PCLO: variants seen among roughly 807,000 people sequenced by gnomAD.
PCLO encodes protein piccolo.
PCLO carries 82 observed loss-of-function variants against 427.5 expected under a neutral mutation model. The ratio of observed to expected loss-of-function variants is 0.19; its 90% CI spans 0.16 to 0.23. PCLO has a LOEUF of 0.23. PCLO is among the 10% of genes least tolerant of loss of function. The pLI is 1.00. For synonymous variants in PCLO, 2,357 were observed against 2,155.4 expected, an observed-to-expected ratio of 1.09 and a Z score of -2.59; for missense variants, 6,239 against 6,115.9, an observed-to-expected ratio of 1.02 and a Z score of -0.67.
At chr7:82,904,126 T>G (rs1794123945) in intron 8 of PCLO, among the ~76,000 whole-genome samples, 1 of 151,928 alleles carries the variant, frequency 6.6e-6, no homozygotes, top group Non-Finnish European at 1.5e-5. Context: ...TATAAAAATA[T>G]TAGGGTAAGT....
At chr7:82,966,556 A>C in intron 3 of PCLO, 69 bp from the exon 4 acceptor site, 1 of 1,068,194 alleles carries the variant, frequency 9.4e-7, no homozygotes, top group Non-Finnish European at 1.3e-6. Context: ...GATTTTACCA[A>C]AGTGAAAATT....
chr7:82,956,801 A>G lies in PCLO; in HGVS notation c.4152T>C (p.Asp1384=), dbSNP rs779994771. 6.2e-7 allele frequency: 1 copy of G among 1,613,712 alleles called. No individual in the cohort carries two copies. Among genetic ancestry groups the G allele is most frequent in the Non-Finnish European group, 8.5e-7 (1 of 1,179,672 alleles). ...LGEIPSLIPT[D]EKDILKGLKK... is the part of the protein sequence containing the mutation. ...TGAGTCCCTTGAGAATATCCTTTTC[A>G]TCAGTTGGAATAAGACTTGGAATTT... The change falls in exon 5 of 25, where the codon GAT becomes GAC. Residue 1384 remains aspartate (D), a synonymous_variant. Transcript: ENST00000333891.
At position 82,794,519 on chromosome 7, in the gene PCLO, TA is replaced by T. The variant is rs1315554619; in HGVS notation, c.15007+6998del. On this transcript the variant is annotated intron_variant, in intron 22 of 24. Coordinates refer to ENST00000333891, the MANE Select transcript of PCLO (RefSeq NM_033026.6). ...CACAGTCTTGCTTTGTCATCCAGGC[TA>T]GAGTGCAGTGGCACGACCTCGGCTC... Among the ~76,000 whole-genome samples, 4 of 139,222 alleles carry T rather than the reference TA, an allele frequency of 2.9e-5. No individual in the cohort carries two copies. In the East Asian group the frequency reaches 8.7e-4, roughly 30 times the overall value. 91.3% of individuals were successfully genotyped at this position (139,222 alleles called of 152,430 possible).
chr7:82,882,325 A>T (rs1393847779), intron 9 of PCLO, among the ~76,000 whole-genome samples: 1 of 152,174 alleles, frequency 6.6e-6, no homozygotes, highest in East Asian at 1.9e-4. Context: ...GAAGTAAATG[A>T]CCCTTGACAA....
At chr7:83,071,591 C>G (rs1789817012) in intron 3 of PCLO, among the ~76,000 whole-genome samples, 1 of 152,158 alleles carries the variant, frequency 6.6e-6, no homozygotes, top group South Asian at 2.1e-4. Flanking sequence ...GTCATTCCCT[C>G]TCCAGTCAGG....
intron 6 of PCLO, among the ~76,000 whole-genome samples, chr7:82,920,652 A>C (rs1794574924): frequency 6.6e-6 from 1 of 151,776 alleles, no homozygotes; most frequent in African/African-American, 2.4e-5. Flanking sequence ...TTTCCTTAGG[A>C]AAGTTAATTT....
intron 6 of PCLO, among the ~76,000 whole-genome samples, chr7:82,929,308 G>C (rs1794787979): frequency 6.6e-6 from 1 of 152,076 alleles, no homozygotes; most frequent in Admixed American, 6.6e-5. Context: ...CCTTATTAGA[G>C]AGGAACTATT....
chr7:83,052,841 C>T (rs1452636560), intron 3 of PCLO, among the ~76,000 whole-genome samples: 2 of 151,934 alleles, frequency 1.3e-5, no homozygotes, highest in African/African-American at 2.4e-5. Context: ...TATAATCCAA[C>T]CTCTTCTCCC....
At chr7:82,863,505 C>T (rs1793015381) in intron 10 of PCLO, among the ~76,000 whole-genome samples, 1 of 151,776 alleles carries the variant, frequency 6.6e-6, no homozygotes, top group African/African-American at 2.4e-5. Flanking sequence ...GTCATTTGAT[C>T]CCTGAATTCC....
chr7:83,125,370 A>G (rs1393073483), intron 3 of PCLO, among the ~76,000 whole-genome samples: 2 of 152,040 alleles, frequency 1.3e-5, no homozygotes, highest in Non-Finnish European at 2.9e-5. Context: ...CTGCCCGGCC[A>G]CCACCCCATC....
intron 22 of PCLO, among the ~76,000 whole-genome samples, chr7:82,774,194 T>C (rs141614690): frequency 7.2e-5 from 11 of 152,294 alleles, no homozygotes; most frequent in African/African-American, 2.6e-4. Context: ...CTTGAACATG[T>C]CAGCTGATTC....
chr7:83,109,700 G>A (rs1790954184), intron 3 of PCLO, among the ~76,000 whole-genome samples: 1 of 151,868 alleles, frequency 6.6e-6, no homozygotes, highest in South Asian at 2.1e-4. Context: ...AAAGACTAAA[G>A]ACAAAAAGCA....
At chr7:82,971,160 C>T (rs934624189) in intron 3 of PCLO, among the ~76,000 whole-genome samples, 1 of 151,754 alleles carries the variant, frequency 6.6e-6, no homozygotes, top group Non-Finnish European at 1.5e-5. Context: ...GGTCCAGTAG[C>T]AACCTGGAAA....
At chr7:83,113,726 T>C (rs1791062216) in intron 3 of PCLO, among the ~76,000 whole-genome samples, 1 of 152,070 alleles carries the variant, frequency 6.6e-6, no homozygotes, top group African/African-American at 2.4e-5. Flanking sequence ...AGAAGGGTAA[T>C]TTTGTAAAAA....
chr7:83,113,447 A>T, intron 3 of PCLO, among the ~76,000 whole-genome samples: 1 of 152,066 alleles, frequency 6.6e-6, no homozygotes, highest in East Asian at 1.9e-4. Context: ...TTTGGAGAAA[A>T]TTTTTCAATA....
At chr7:82,941,779 TTTATA>T (rs1315797818) in intron 6 of PCLO, among the ~76,000 whole-genome samples, 2 of 152,202 alleles carry the variant, frequency 1.3e-5, no homozygotes, top group African/African-American at 4.8e-5. Context: ...TTTCCAAATT[TTTATA>T]TTATAATCCT....
At chr7:83,161,889 G>A (rs1422122359) in intron 1 of PCLO, among the ~76,000 whole-genome samples, 1 of 152,166 alleles carries the variant, frequency 6.6e-6, no homozygotes, top group East Asian at 1.9e-4. Context: ...TCACCTACAA[G>A]GGGATTAAAG....
Position 82,955,324 on chromosome 7 carries a change from T to C in PCLO, c.5629A>G (p.Ile1877Val). Residue 1877 changes from isoleucine to valine, a missense_variant, in exon 5 of 25, where the codon ATA (isoleucine) becomes GTA (valine). Physicochemically the swap from Ile to Val is conservative, Grantham distance 29. Transcript: ENST00000333891. Reference protein sequence around the residue: ...PEGFEISPEKIIEVQKVYKLP... With the variant: ...PEGFEISPEKVIEVQKVYKLP... ...TTATAAACTTTTTGTACTTCTATTA[T>C]TTTTTCCGGGCTTATTTCAAAACCT... 1 of 1,613,462 alleles carries C rather than the reference T, an allele frequency of 6.2e-7. No individual in the cohort carries two copies. The highest frequency in any genetic ancestry group is 8.5e-7 in the Non-Finnish European group (1 of 1,179,672).
intron 9 of PCLO, among the ~76,000 whole-genome samples, chr7:82,889,053 AG>A (rs1361845711): frequency 2.0e-5 from 3 of 147,892 alleles, no homozygotes; most frequent in African/African-American, 7.5e-5. Flanking sequence ...TGCCAGTCTG[AG>A]GAACTATTCA....
Sources: gnomAD v4.1 joint callset for allele counts (sites outside exome capture counted in the v4.1 genomes callset) on GRCh38, gnomAD v4.1.1 for gene constraint, MANE v1.5 for transcripts, NCBI Gene and HGNC (gene_info 2026-07-23, HGNC 2026-07-21) for gene names.